The following GPC6 variants were observed in gnomAD, a reference collection of about 807,000 sequenced individuals.
The protein encoded by GPC6 is glypican 6.
In GPC6, 14 loss-of-function variants were observed where a neutral mutation model predicts 55.2. The ratio of observed to expected loss-of-function variants is 0.25; its 90% CI spans 0.17 to 0.40. The LOEUF (loss-of-function observed/expected upper bound fraction) is 0.40. GPC6 is among the 10% of genes least tolerant of loss of function. GPC6 has a pLI of 1.00. For synonymous variants in GPC6, 278 were observed against 259.6 expected (o/e 1.07, Z -0.68); for missense variants, 641 against 708.5 (o/e 0.90, Z 1.08).
At chr13:93,448,056 C>G (rs1878074099) in intron 1 of GPC6, among the ~76,000 whole-genome samples, 1 of 152,084 alleles carries the variant, frequency 6.6e-6, no homozygotes, top group African/African-American at 2.4e-5. Flanking sequence ...GTATACTTTT[C>G]TCTGTGTCTT....
intron 3 of GPC6, among the ~76,000 whole-genome samples, chr13:93,870,187 C>A (rs1410564900): frequency 6.6e-6 from 1 of 151,804 alleles, no homozygotes; most frequent in Admixed American, 6.6e-5. Flanking sequence ...TTGACTATAA[C>A]CCAAAGATGA....
chr13:93,619,238 T>C (rs1878851921), intron 2 of GPC6, among the ~76,000 whole-genome samples: 1 of 152,298 alleles, frequency 6.6e-6, no homozygotes, highest in South Asian at 2.1e-4. Context: ...ATGAGTTCAG[T>C]GAAGACATCC....
rs1439226036 is a variant in GPC6 at position 93,545,431 on chromosome 13, A to G, written c.319+10A>G. 14 of 1,611,202 alleles carry G rather than the reference A, an allele frequency of 8.7e-6. No individual in the cohort carries two copies. Among genetic ancestry groups the G allele is most frequent in the Middle Eastern group, 1.6e-4 (1 of 6,078 alleles). ...CATAAGAAATTTGACGGTAGGTGAAATGGTTTTCACTTCAGTTTGTTATAG... is the reference window on the plus strand; with the variant it reads ...CATAAGAAATTTGACGGTAGGTGAAGTGGTTTTCACTTCAGTTTGTTATAG... On this transcript the variant is annotated intron_variant, in intron 2 of 8. Coordinates refer to ENST00000377047, the MANE Select transcript of GPC6 (RefSeq NM_005708.5).
intron 4 of GPC6, among the ~76,000 whole-genome samples, chr13:94,261,124 A>C (rs931648269): frequency 1.6e-4 from 24 of 152,092 alleles, no homozygotes; most frequent in African/African-American, 5.8e-4. Context: ...AAATACAAAA[A>C]TTAGCCAGGC....
intron 3 of GPC6, among the ~76,000 whole-genome samples, chr13:93,889,426 A>G (rs1172186739): frequency 6.6e-6 from 1 of 152,150 alleles, no homozygotes. Context: ...TATAGTACTC[A>G]GCAAATGCAA....
chr13:94,214,880 T>C, intron 4 of GPC6, among the ~76,000 whole-genome samples: 1 of 152,250 alleles, frequency 6.6e-6, no homozygotes, highest in Non-Finnish European at 1.5e-5. Flanking sequence ...TTAATTAAAC[T>C]GTTTTCAGCA....
intron 2 of GPC6, among the ~76,000 whole-genome samples, chr13:93,655,553 C>G (rs987376494): frequency 5.3e-5 from 8 of 152,198 alleles, no homozygotes; most frequent in African/African-American, 1.9e-4. Context: ...TCTGTTTAAA[C>G]ATTTTTTACA....
intron 1 of GPC6, among the ~76,000 whole-genome samples, chr13:93,516,958 C>T (rs1282205323): frequency 1.3e-5 from 2 of 152,244 alleles, no homozygotes; most frequent in African/African-American, 4.8e-5. Context: ...ACCAATAGTA[C>T]AAAGAGACTT....
chr13:94,265,720 A>T (rs1396178875), intron 4 of GPC6, among the ~76,000 whole-genome samples: 1 of 152,206 alleles, frequency 6.6e-6, no homozygotes, highest in Non-Finnish European at 1.5e-5. Context: ...GAGGAGCAGG[A>T]AGTGATTAAG....
intron 1 of GPC6, among the ~76,000 whole-genome samples, chr13:93,453,913 C>G (rs533248290): frequency 1.3e-5 from 2 of 152,098 alleles, no homozygotes; most frequent in Non-Finnish European, 2.9e-5. Context: ...TGCTGGCTCC[C>G]GCAGCCTGCT....
intron 1 of GPC6, among the ~76,000 whole-genome samples, chr13:93,362,692 T>C (rs199511027): frequency 0.33 from 49,728 of 151,474 alleles, 9,394 homozygotes; most frequent in East Asian, 0.78. Flanking sequence ...AAAAAAAAAT[T>C]TTTTTTAAAG....
chr13:93,332,035 G>C (rs533087506), intron 1 of GPC6, among the ~76,000 whole-genome samples: 2 of 152,110 alleles, frequency 1.3e-5, no homozygotes, highest in East Asian at 3.9e-4. Flanking sequence ...AATGACATGA[G>C]TTCATTCTTT....
intron 4 of GPC6, among the ~76,000 whole-genome samples, chr13:94,053,913 T>C (rs1208373704): frequency 6.6e-6 from 1 of 152,042 alleles, no homozygotes; most frequent in South Asian, 2.1e-4. Flanking sequence ...TTTTAAAAGA[T>C]ATTAGCTGAA....
chr13:93,569,914 T>A (rs1016230317), intron 2 of GPC6, among the ~76,000 whole-genome samples: 5 of 152,142 alleles, frequency 3.3e-5, no homozygotes, highest in Non-Finnish European at 7.4e-5. Flanking sequence ...ATATAAAGTA[T>A]CTTTATACCT....
intron 4 of GPC6, among the ~76,000 whole-genome samples, chr13:94,237,304 C>T (rs1287920981): frequency 1.3e-5 from 2 of 149,174 alleles, no homozygotes; most frequent in African/African-American, 5.0e-5. Context: ...CCCTTCCTTC[C>T]TTCTTTCTTT....
At chr13:94,203,229 T>G (rs1889808488) in intron 4 of GPC6, among the ~76,000 whole-genome samples, 1 of 151,584 alleles carries the variant, frequency 6.6e-6, no homozygotes, top group Admixed American at 6.6e-5. Flanking sequence ...AGGGCCTATA[T>G]TTATAGAACT....
intron 4 of GPC6, among the ~76,000 whole-genome samples, chr13:94,201,421 G>C (rs1273273910): frequency 6.6e-6 from 1 of 152,076 alleles, no homozygotes; most frequent in African/African-American, 2.4e-5. Context: ...TAATGTTAGA[G>C]GTAACTTGAC....
intron 3 of GPC6, among the ~76,000 whole-genome samples, chr13:93,862,245 T>C (rs1888835714): frequency 6.6e-6 from 1 of 151,624 alleles, no homozygotes; most frequent in Non-Finnish European, 1.5e-5. Context: ...CTAAATGCCA[T>C]TTCTAAGGTA....
chr13:93,334,599 T>TGG, intron 1 of GPC6, among the ~76,000 whole-genome samples: 1 of 152,186 alleles, frequency 6.6e-6, no homozygotes. Flanking sequence ...ACCAAGTAGT[T>TGG]GGGATTATAG....
Sources: allele counts gnomAD v4.1 joint callset (sites outside exome capture counted in the v4.1 genomes callset), GRCh38; gene constraint gnomAD v4.1.1; transcripts MANE v1.5; gene names NCBI Gene and HGNC (gene_info 2026-07-23, HGNC 2026-07-21).